Variants in ZNF536 observed in about 807,000 individuals in gnomAD.
ZNF536 encodes zinc finger protein 536.
Under a neutral mutation model 84.5 loss-of-function variants are expected in ZNF536, and 13 were observed. The ratio of observed to expected loss-of-function variants is 0.15; its 90% CI spans 0.10 to 0.24. The LOEUF is 0.24. ZNF536 is among the 10% of genes least tolerant of loss of function. The pLI, the probability that ZNF536 is intolerant of heterozygous loss-of-function variation, is 1.00. For missense variants in ZNF536, 1,536 were observed against 1,747.5 expected (o/e 0.88, Z 2.16); for synonymous variants, 811 against 742.5 (o/e 1.09, Z -1.50).
At chr19:30,647,442 G>T (rs889027897) in intron 1 of ZNF536, among the ~76,000 whole-genome samples, 1 of 152,136 alleles carries the variant, frequency 6.6e-6, no homozygotes, top group Non-Finnish European at 1.5e-5. Flanking sequence ...GTTCCCATCT[G>T]CTCCCGGAGT....
At chr19:30,451,217 G>T (rs950965902) in intron 2 of ZNF536, among the ~76,000 whole-genome samples, 1 of 152,236 alleles carries the variant, frequency 6.6e-6, no homozygotes, top group Non-Finnish European at 1.5e-5. Flanking sequence ...CCACCTTTCC[G>T]CTGGGGCCCA....
At chr19:30,508,135 G>T (rs1439180170) in intron 2 of ZNF536, among the ~76,000 whole-genome samples, 1 of 152,176 alleles carries the variant, frequency 6.6e-6, no homozygotes, top group Non-Finnish European at 1.5e-5. Context: ...AGGGGATGGG[G>T]CTGTCGGCTC....
intron 3 of ZNF536, among the ~76,000 whole-genome samples, chr19:30,354,314 G>C (rs1363831465): frequency 6.6e-6 from 1 of 152,210 alleles, no homozygotes; most frequent in East Asian, 1.9e-4. Flanking sequence ...AGAATAGACA[G>C]TAGCTCCAGC....
chr19:30,324,298 C>T (rs1208388783), intron 2 of ZNF536, among the ~76,000 whole-genome samples: 2 of 152,222 alleles, frequency 1.3e-5, no homozygotes, highest in Admixed American at 1.3e-4. Flanking sequence ...TTTTATCCTT[C>T]CACACATCCA....
chr19:30,262,760 G>A (rs2025293766), intron 1 of ZNF536, among the ~76,000 whole-genome samples: 1 of 152,196 alleles, frequency 6.6e-6, no homozygotes, highest in Non-Finnish European at 1.5e-5. Flanking sequence ...CCTCAGGGAG[G>A]TACTGCCTGA....
Position 30,235,829 on chromosome 19 carries a change from T to C in ZNF536, c.-190+7156T>C, listed in dbSNP as rs1216198435. Among the ~76,000 whole-genome samples the C allele has an allele frequency of 3.1e-4, 47 of 152,252 alleles. 1 individual carries two copies. The highest frequency in any genetic ancestry group is 3.1e-3 in the Admixed American group (47 of 15,292). On this transcript the variant is annotated intron_variant, in intron 1 of 5. Coordinates refer to the ZNF536 transcript ENST00000585628. ...TAGAGCTAAAGTGCTTTAATTATTT[T>C]GCTTCCCCGGCCAGGGCCCCCAGTT...
chr19:30,601,872 C>A (rs1039202224), intron 1 of ZNF536, among the ~76,000 whole-genome samples: 1 of 152,138 alleles, frequency 6.6e-6, no homozygotes, highest in Non-Finnish European at 1.5e-5. Flanking sequence ...ATTAGCAGGA[C>A]CCTGAGACAC....
intron 1 of ZNF536, among the ~76,000 whole-genome samples, chr19:30,674,717 C>T (rs985735798): frequency 6.6e-6 from 1 of 152,208 alleles, no homozygotes; most frequent in Non-Finnish European, 1.5e-5. Flanking sequence ...GCACTTTCAG[C>T]TTGTCCAGCT....
At chr19:30,611,150 C>G (rs1417186183) in intron 1 of ZNF536, among the ~76,000 whole-genome samples, 1 of 152,192 alleles carries the variant, frequency 6.6e-6, no homozygotes, top group Non-Finnish European at 1.5e-5. Flanking sequence ...CTTCCAAACC[C>G]TCTGGGGGTA....
Position 30,609,152 on chromosome 19 carries a change from C to A in ZNF536, c.169+59638C>A, listed in dbSNP as rs145442234. On this transcript the variant is annotated intron_variant, in intron 1 of 1. Coordinates refer to the ZNF536 transcript ENST00000592773. ...TCCATGTACATAGTGCAATCCCTTG[C>A]CCCATCTCAGCTTCTAGAGAGAATT... Among the ~76,000 whole-genome samples the A allele has an allele frequency of 5.8e-4, 89 of 152,292 alleles. 1 individual carries two copies. The highest frequency in any genetic ancestry group is 2.1e-3 in the African/African-American group (86 of 41,578).
rs146155240 is a variant in ZNF536, at chr19:30,703,976, T to C, written c.170-6781T>C. Among the ~76,000 whole-genome samples the C allele has an allele frequency of 4.8e-3, 726 of 152,250 alleles. 2 individuals are homozygous for C. Among genetic ancestry groups the C allele is most frequent in the Middle Eastern group, 0.041 (12 of 294 alleles). On this transcript the variant is annotated intron_variant, in intron 1 of 1. Transcript: ENST00000592773. ...GCCTTACAAAAGAGGGAAGCAGTGG[T>C]AGGAACCCAAGCTCCTCAGTCCACT... is the stretch of plus-strand genomic sequence containing the variant.
chr19:30,470,246 G>T (rs1230362198), intron 2 of ZNF536, among the ~76,000 whole-genome samples: 2 of 152,144 alleles, frequency 1.3e-5, no homozygotes, highest in Non-Finnish European at 2.9e-5. Context: ...TCTAATTTTT[G>T]AATAGTGTTA....
intron 1 of ZNF536, among the ~76,000 whole-genome samples, chr19:30,703,819 C>CAG (rs1381314629): frequency 6.6e-6 from 1 of 152,196 alleles, no homozygotes; most frequent in Non-Finnish European, 1.5e-5. Flanking sequence ...CTGATGCTCA[C>CAG]AGCACTCCTG....
intron 1 of ZNF536, among the ~76,000 whole-genome samples, chr19:30,601,696 G>C (rs1299328971): frequency 6.6e-6 from 1 of 152,172 alleles, no homozygotes; most frequent in East Asian, 1.9e-4. Flanking sequence ...CTAGCAGCAA[G>C]AGGCATAATT....
intron 3 of ZNF536, among the ~76,000 whole-genome samples, chr19:30,545,266 C>T (rs538352991): frequency 4.6e-5 from 7 of 152,208 alleles, no homozygotes; most frequent in East Asian, 1.9e-4. Context: ...ACTTCTGCGC[C>T]GACCCCAGAC....
At position 30,444,912 on chromosome 19, in the gene ZNF536, C is replaced by T. The variant is rs778404232; in HGVS notation, c.1350C>T (p.Ser450=). 2.5e-6 allele frequency: 4 copies of T among 1,611,028 alleles called. No individual in the cohort carries two copies. The East Asian group carries it at 8.9e-5, about 36-fold the overall frequency. The change falls in exon 2 of 5, where the codon AGC becomes AGT. Residue 450 remains serine, a synonymous_variant. Transcript: ENST00000355537. ...ACAAAGCCGGCCTGAGCGAGCCCAG[C>T]CAGCTCTATGGCAAGGGCGAGCTGC... The part of the protein sequence containing the change: ...TPDKAGLSEP[S]QLYGKGELPM...
At chr19:30,588,102 C>T (rs752609920) in intron 1 of ZNF536, among the ~76,000 whole-genome samples, 6 of 152,190 alleles carry the variant, frequency 3.9e-5, no homozygotes, top group Non-Finnish European at 8.8e-5. Context: ...CTCCCTCAGG[C>T]GGCAGCTGTG....
chr19:30,251,409 G>T (rs1320393293), intron 1 of ZNF536, among the ~76,000 whole-genome samples: 1 of 152,156 alleles, frequency 6.6e-6, no homozygotes, highest in Non-Finnish European at 1.5e-5. Context: ...GCATTGGTCA[G>T]AGCACTGACT....
intron 1 of ZNF536, among the ~76,000 whole-genome samples, chr19:30,684,580 A>G (rs572747116): frequency 4.3e-4 from 66 of 152,344 alleles, no homozygotes; most frequent in South Asian, 2.7e-3. Flanking sequence ...AATCATGGCA[A>G]TAGAAAGGTT....
Sources: gnomAD v4.1 joint callset for allele counts (sites outside exome capture counted in the v4.1 genomes callset) on GRCh38, gnomAD v4.1.1 for gene constraint, MANE v1.5 for transcripts, NCBI Gene and HGNC (gene_info 2026-07-23, HGNC 2026-07-21) for gene names.